Variants in PRORP observed in about 807,000 individuals in gnomAD.
PRORP encodes protein only RNase P catalytic subunit.
Under a neutral mutation model 59.4 loss-of-function variants are expected in PRORP, and 51 were observed. The observed-to-expected ratio is 0.86, with a 90% CI of 0.69 to 1.08. The LOEUF is 1.08. PRORP is among the 50% of genes least tolerant of loss of function. The pLI is 0.00. For missense variants in PRORP, 646 were observed against 690.3 expected (o/e 0.94, Z 0.72); for synonymous variants, 231 against 245.6 (o/e 0.94, Z 0.55).
intron 5 of PRORP, among the ~76,000 whole-genome samples, chr14:35,252,163 G>T (rs958771735): frequency 6.6e-6 from 1 of 152,128 alleles, no homozygotes; most frequent in Non-Finnish European, 1.5e-5. Flanking sequence ...GGTATCTCAC[G>T]CCTGTAATCC....
intron 4 of PRORP, among the ~76,000 whole-genome samples, chr14:35,169,874 A>G (rs1232904847): frequency 6.6e-6 from 1 of 152,208 alleles, no homozygotes; most frequent in Non-Finnish European, 1.5e-5. Flanking sequence ...CGAAGTCCTC[A>G]CTGATTTTTA....
At chr14:35,181,308 T>C (rs1020395105) in intron 5 of PRORP, among the ~76,000 whole-genome samples, 1 of 152,152 alleles carries the variant, frequency 6.6e-6, no homozygotes, top group Non-Finnish European at 1.5e-5. Context: ...TAGCTGCAAT[T>C]AACAGTTACT....
intron 5 of PRORP, among the ~76,000 whole-genome samples, chr14:35,244,446 CTT>C (rs773016315): frequency 3.5e-5 from 5 of 143,370 alleles, no homozygotes; most frequent in Non-Finnish European, 1.5e-5. Context: ...TGGATATTAT[CTT>C]TTTTTTTTTT....
intron 5 of PRORP, among the ~76,000 whole-genome samples, chr14:35,247,659 G>C (rs947808156): frequency 2.0e-5 from 3 of 152,036 alleles, no homozygotes; most frequent in Non-Finnish European, 4.4e-5. Flanking sequence ...TAGAACCCTA[G>C]GGTGAATTTT....
intron 5 of PRORP, among the ~76,000 whole-genome samples, chr14:35,229,503 C>G (rs2050018703): frequency 6.6e-6 from 1 of 152,150 alleles, no homozygotes; most frequent in Non-Finnish European, 1.5e-5. Flanking sequence ...GTTTCATTCT[C>G]CTGCTATGAC....
At chr14:35,153,589 A>G (rs564175067) in intron 4 of PRORP, among the ~76,000 whole-genome samples, 4 of 152,354 alleles carry the variant, frequency 2.6e-5, no homozygotes, top group African/African-American at 9.6e-5. Flanking sequence ...CCCTGTGTTC[A>G]TAATGAAAGG....
chr14:35,239,302 T>G (rs1209931697), intron 5 of PRORP, among the ~76,000 whole-genome samples: 1 of 149,792 alleles, frequency 6.7e-6, no homozygotes, highest in Non-Finnish European at 1.5e-5. Context: ...GAGCCAAGAT[T>G]GCAACACCGC....
intron 5 of PRORP, among the ~76,000 whole-genome samples, chr14:35,261,618 A>T (rs983374840): frequency 2.0e-5 from 3 of 151,870 alleles, no homozygotes; most frequent in African/African-American, 7.3e-5. Context: ...AATCACAGCT[A>T]CTCAGGAGAT....
chr14:35,215,776 T>C (rs2049572648), intron 5 of PRORP, among the ~76,000 whole-genome samples: 1 of 151,768 alleles, frequency 6.6e-6, no homozygotes, highest in Non-Finnish European at 1.5e-5. Context: ...TCTTTTTTTT[T>C]TTCTTGGGGG....
chr14:35,204,745 A>C (rs1457636595), intron 5 of PRORP, among the ~76,000 whole-genome samples: 1 of 152,202 alleles, frequency 6.6e-6, no homozygotes, highest in Non-Finnish European at 1.5e-5. Flanking sequence ...CATTTCTTAG[A>C]TTTCTCAGAT....
intron 5 of PRORP, among the ~76,000 whole-genome samples, chr14:35,239,703 C>T (rs1441723563): frequency 6.6e-6 from 1 of 152,210 alleles, no homozygotes; most frequent in Non-Finnish European, 1.5e-5. Context: ...ATACCAGTGT[C>T]ATGCCAAATC....
At chr14:35,197,543 A>G (rs2049039143) in intron 5 of PRORP, among the ~76,000 whole-genome samples, 1 of 152,146 alleles carries the variant, frequency 6.6e-6, no homozygotes, top group Non-Finnish European at 1.5e-5. Flanking sequence ...TCACTAATAT[A>G]AAGGCTGATT....
chr14:35,231,159 T>C (rs1218244556), intron 5 of PRORP, among the ~76,000 whole-genome samples: 1 of 152,190 alleles, frequency 6.6e-6, no homozygotes, highest in Non-Finnish European at 1.5e-5. Flanking sequence ...AAAAATGAAG[T>C]TCAAGGTTTA....
chr14:35,127,902 A>G (rs2047137893), intron 4 of PRORP, among the ~76,000 whole-genome samples: 1 of 152,210 alleles, frequency 6.6e-6, no homozygotes, highest in South Asian at 2.1e-4. Flanking sequence ...TCGTAGAATA[A>G]TTGGGTTAGA....
At chr14:35,124,449 A>G in intron 2 of PRORP, 1 of 302,426 alleles carries the variant, frequency 3.3e-6, no homozygotes, top group Non-Finnish European at 6.0e-6. Flanking sequence ...TTTTAATTTA[A>G]TAACTTTAAA....
intron 6 of PRORP, among the ~76,000 whole-genome samples, chr14:35,269,928 A>G (rs1399315519): frequency 6.6e-6 from 1 of 152,194 alleles, no homozygotes; most frequent in Non-Finnish European, 1.5e-5. Context: ...GTGACTGTCT[A>G]GAAGCTGCTC....
chr14:35,137,401 A>G (rs2138832787), intron 4 of PRORP, among the ~76,000 whole-genome samples: 1 of 145,694 alleles, frequency 6.9e-6, no homozygotes, highest in African/African-American at 2.4e-5. Context: ...TTGAGGCTGT[A>G]GAAAAGAAAG....
chr14:35,182,501 C>T (rs1008250404), intron 5 of PRORP, among the ~76,000 whole-genome samples: 4 of 151,830 alleles, frequency 2.6e-5, no homozygotes, highest in Non-Finnish European at 4.4e-5. Flanking sequence ...AAAAATTAGC[C>T]GGGTGTGGTG....
In PRORP at chr14:35,123,470, T is replaced by C. The variant is rs1172406766; in HGVS notation, c.225T>C (p.Asn75=). The C allele has an allele frequency of 6.2e-7, 1 of 1,614,044 alleles. No homozygotes were observed. Among genetic ancestry groups the C allele is most frequent in the African/African-American group, 1.3e-5 (1 of 74,938 alleles). Reference sequence around the variant, plus strand: ...ATCTCAGGAAAGATGAGGGCAGTAATAAGCAAGTTTATTCTGTTCCTCATT... The same window carrying C: ...ATCTCAGGAAAGATGAGGGCAGTAACAAGCAAGTTTATTCTGTTCCTCATT... The part of the protein sequence containing the change: ...ARYLRKDEGS[N]KQVYSVPHFF... Residue 75 remains asparagine, a synonymous_variant, in exon 2 of 8, where the codon AAT becomes AAC. Transcript: ENST00000534898.
Sources: gnomAD v4.1 joint callset for allele counts (sites outside exome capture counted in the v4.1 genomes callset) on GRCh38, gnomAD v4.1.1 for gene constraint, MANE v1.5 for transcripts, NCBI Gene and HGNC (gene_info 2026-07-23, HGNC 2026-07-21) for gene names.